ST8SIA5: variants seen among roughly 807,000 people sequenced by gnomAD.
ST8SIA5 encodes the protein alpha-2,8-sialyltransferase 8E.
A neutral mutation model predicts 40.2 loss-of-function variants in ST8SIA5; 24 were observed. The ratio of observed to expected loss-of-function variants is 0.60; its 90% CI spans 0.43 to 0.84. The LOEUF (loss-of-function observed/expected upper bound fraction) is 0.84. Among genes scored for constraint, ST8SIA5 ranks in the 40% least tolerant of loss-of-function variants. The pLI is 0.00. For missense variants in ST8SIA5, 465 were observed against 498.5 expected, an observed-to-expected ratio of 0.93 and a Z score of 0.64; for synonymous variants, 198 against 201.8, an observed-to-expected ratio of 0.98 and a Z score of 0.16.
intron 1 of ST8SIA5, among the ~76,000 whole-genome samples, chr18:46,750,909 G>T (rs935451447): frequency 1.3e-5 from 2 of 152,116 alleles, no homozygotes; most frequent in African/African-American, 4.8e-5. Context: ...TCAACCCAAC[G>T]GATTGTAAAA....
chr18:46,706,697 A>G (rs965380461), intron 1 of ST8SIA5, among the ~76,000 whole-genome samples: 2 of 152,184 alleles, frequency 1.3e-5, no homozygotes, highest in Admixed American at 6.5e-5. Flanking sequence ...CTTTGCAGGT[A>G]GGGTTCTGGA....
chr18:46,687,445 A>G (rs191750376), intron 4 of ST8SIA5, among the ~76,000 whole-genome samples: 363 of 152,292 alleles, frequency 2.4e-3, no homozygotes, highest in African/African-American at 8.4e-3. Flanking sequence ...TCAGCGGTCC[A>G]TAGGCTGCTT....
intron 1 of ST8SIA5, among the ~76,000 whole-genome samples, chr18:46,746,901 T>C (rs545817004): frequency 6.6e-6 from 1 of 152,242 alleles, no homozygotes; most frequent in East Asian, 1.9e-4. Context: ...AACAGAGGCC[T>C]CAGAAATAAC....
At chr18:46,689,714 C>T (rs2144476713) in intron 3 of ST8SIA5, among the ~76,000 whole-genome samples, 1 of 150,792 alleles carries the variant, frequency 6.6e-6, no homozygotes, top group African/African-American at 2.4e-5. Flanking sequence ...GCTGGGATTA[C>T]AGGCAAGCAC....
chr18:46,718,329 CAAAAAA>C (rs34073971), intron 1 of ST8SIA5, among the ~76,000 whole-genome samples: 1 of 128,674 alleles, frequency 7.8e-6, no homozygotes, highest in Non-Finnish European at 1.6e-5. Context: ...AACTCTGTCT[CAAAAAA>C]AAAAAAAAAA....
intron 1 of ST8SIA5, among the ~76,000 whole-genome samples, chr18:46,719,966 G>A (rs1015364906): frequency 2.0e-5 from 3 of 151,848 alleles, no homozygotes; most frequent in African/African-American, 7.3e-5. Context: ...AGCCTCCTGA[G>A]TAGCTGGGAT....
intron 5 of ST8SIA5, chr18:46,685,730 G>C (rs903346014): frequency 1.2e-4 from 20 of 170,306 alleles, no homozygotes; most frequent in Admixed American, 5.5e-5. Flanking sequence ...AGATAAGAGG[G>C]GGGCTTTACG....
intron 1 of ST8SIA5, among the ~76,000 whole-genome samples, chr18:46,725,022 AGG>A (rs2039901491): frequency 6.7e-6 from 1 of 150,038 alleles, no homozygotes; most frequent in African/African-American, 2.5e-5. Context: ...GAAGGAAGGA[AGG>A]AAGGAAGGAA....
chr18:46,734,519 G>A (rs910849871), intron 1 of ST8SIA5, among the ~76,000 whole-genome samples: 5 of 152,134 alleles, frequency 3.3e-5, no homozygotes, highest in Admixed American at 3.3e-4. Flanking sequence ...TTGTCCAGTG[G>A]TTCCCAAATT....
intron 2 of ST8SIA5, among the ~76,000 whole-genome samples, chr18:46,702,800 AG>A (rs2039631404): frequency 6.6e-6 from 1 of 152,276 alleles, no homozygotes; most frequent in Non-Finnish European, 1.5e-5. Context: ...GAGTTCCACA[AG>A]GGTGGGCACC....
intron 2 of ST8SIA5, among the ~76,000 whole-genome samples, chr18:46,694,394 G>A (rs1351434184): frequency 6.6e-6 from 1 of 152,048 alleles, no homozygotes; most frequent in African/African-American, 2.4e-5. Context: ...TTTTTCCATT[G>A]AGTAGTTCGA....
chr18:46,738,745 G>C (rs1171786132), intron 1 of ST8SIA5, among the ~76,000 whole-genome samples: 5 of 152,160 alleles, frequency 3.3e-5, no homozygotes, highest in African/African-American at 1.2e-4. Context: ...GGCTGTGCCT[G>C]TTTCTCGGGG....
chr18:46,733,624 G>A (rs369500171), intron 1 of ST8SIA5, among the ~76,000 whole-genome samples: 3 of 152,280 alleles, frequency 2.0e-5, no homozygotes, highest in African/African-American at 7.2e-5. Flanking sequence ...GGGGATAAGG[G>A]GCTTGGGGTG....
chr18:46,743,546 C>CAA (rs1465041180), intron 1 of ST8SIA5, among the ~76,000 whole-genome samples: 1 of 152,056 alleles, frequency 6.6e-6, no homozygotes. Flanking sequence ...ACAAAGCCTC[C>CAA]AAGAAATATG....
intron 1 of ST8SIA5, among the ~76,000 whole-genome samples, chr18:46,750,508 C>T (rs764050797): frequency 6.6e-6 from 1 of 152,130 alleles, no homozygotes; most frequent in Non-Finnish European, 1.5e-5. Flanking sequence ...TCCCTGTCTC[C>T]ACATTGTCTT....
At chr18:46,682,652 G>A (rs1294634223) in intron 5 of ST8SIA5, among the ~76,000 whole-genome samples, 5 of 152,200 alleles carry the variant, frequency 3.3e-5, no homozygotes, top group Admixed American at 6.5e-5. Flanking sequence ...GCAGCCTTAC[G>A]TGGCAGAAGG....
rs973478776 is a variant in ST8SIA5, at chr18:46,756,813, C to T, written c.-305G>A. The T allele has an allele frequency of 6.2e-6, 2 of 320,198 alleles. No homozygotes were observed. The highest frequency in any genetic ancestry group is 1.1e-5 in the Non-Finnish European group (2 of 176,178). The allele number at this position is 320,198 out of a possible 1,614,324, so 19.8% of individuals were successfully genotyped here. ...GGTGCCGGGTAGCCGCCGATTTCCC[C>T]GCGGAGGGGAGACGCCAGGTGCCAC... On this transcript the variant is annotated 5_prime_UTR_variant, in exon 1 of 7. Coordinates refer to ENST00000315087, the MANE Select transcript of ST8SIA5 (RefSeq NM_013305.6).
intron 1 of ST8SIA5, among the ~76,000 whole-genome samples, chr18:46,710,413 T>TTCTTTCTTTCTGTCTTTCTG (rs1244310202): frequency 1.6e-5 from 2 of 127,506 alleles, no homozygotes; most frequent in Non-Finnish European, 3.2e-5. Context: ...CTTTCTTTCT[T>TTCTTTCTTTCTGTCTTTCTG]TCTTTTTCTT....
At chr18:46,704,517 A>AC in intron 2 of ST8SIA5, 55 bp downstream of exon 2, 2 of 1,498,970 alleles carry the variant, frequency 1.3e-6, no homozygotes, top group South Asian at 2.3e-5. Flanking sequence ...CTCACCCCCA[A>AC]CCCCTGCCCC....
Sources: allele counts gnomAD v4.1 joint callset (sites outside exome capture counted in the v4.1 genomes callset), GRCh38; gene constraint gnomAD v4.1.1; transcripts MANE v1.5; gene names NCBI Gene and HGNC (gene_info 2026-07-23, HGNC 2026-07-21).